RAD51AP2: variants seen among roughly 807,000 people sequenced by gnomAD.
The protein encoded by RAD51AP2 is RAD51-associated protein 2.
Under a neutral mutation model 85.5 loss-of-function variants are expected in RAD51AP2, and 67 were observed. That is an observed-to-expected ratio of 0.78 (90% CI 0.64 to 0.96). RAD51AP2 has a LOEUF of 0.96. RAD51AP2 is among the 40% of genes least tolerant of loss of function. The pLI is 0.00. For missense variants in RAD51AP2, 1,307 were observed against 1,332.4 expected, an observed-to-expected ratio of 0.98 and a Z score of 0.30; for synonymous variants, 474 against 446.5, an observed-to-expected ratio of 1.06 and a Z score of -0.78.
rs1662634989 is a variant in RAD51AP2 at position 17,515,639 on chromosome 2, T to C, written c.2777A>G (p.Tyr926Cys). Residue 926 changes from tyrosine (Y) to cysteine (C), a missense_variant, in exon 1 of 3, where the codon TAT becomes TGT. Coordinates refer to ENST00000399080, the MANE Select transcript of RAD51AP2 (RefSeq NM_001099218.3). The stretch of plus-strand genomic sequence containing the variant: ...ACCAGTTTCAAATTGATGATTAATA[T>C]ATAATGCAGAGTCATTCTTTCTGTG... ...DFHRKNDSAL[Y>C]INHQFETGLS... 1 of 1,612,602 alleles carries C rather than the reference T, an allele frequency of 6.2e-7. No homozygotes were observed. Among genetic ancestry groups the C allele is most frequent in the South Asian group, 1.1e-5 (1 of 90,524 alleles).
At chr2:17,511,151 C>T (rs1308971880) in intron 2 of RAD51AP2, among the ~76,000 whole-genome samples, 196 bp from the exon 3 acceptor site, 1 of 152,224 alleles carries the variant, frequency 6.6e-6, no homozygotes, top group African/African-American at 2.4e-5. Flanking sequence ...AACATAAGCA[C>T]AAAAAGTTAA....
the RAD51AP2 span, among the ~76,000 whole-genome samples, chr2:17,527,485 G>A: frequency 9.9e-5 from 15 of 152,176 alleles, no homozygotes; most frequent in African/African-American, 3.6e-4. Flanking sequence ...TGAACCAGAA[G>A]CAAGAGAATA....
the RAD51AP2 span, among the ~76,000 whole-genome samples, chr2:17,530,165 C>T: frequency 0.011 from 1,663 of 152,182 alleles, 17 homozygotes; most frequent in Middle Eastern, 0.017. Context: ...GGCACCTTTC[C>T]GCTTATTCAT....
Position 17,518,419 on chromosome 2 carries a change from A to G in RAD51AP2, c.-4T>C. The G allele has an allele frequency of 6.2e-7, 1 of 1,608,960 alleles. No individual in the cohort carries two copies. The highest frequency in any genetic ancestry group is 1.1e-5 in the South Asian group (1 of 90,542). ...GCGTGGGCTGAGGGAGAGACATGAC[A>G]GCGAATGGAAAGGATCTGTCCGAGT... On this transcript the variant is annotated 5_prime_UTR_variant, in exon 1 of 3. Coordinates refer to ENST00000399080, the MANE Select transcript of RAD51AP2 (RefSeq NM_001099218.3).
At position 17,515,339 on chromosome 2, in the gene RAD51AP2, C is replaced by T. The variant is rs760916506; in HGVS notation, c.3077G>A (p.Arg1026His). Residue 1026 changes from arginine to histidine, a missense_variant, in exon 1 of 3, where the codon CGT (arginine) becomes CAT (histidine). Transcript: ENST00000399080. ...DLKMVVVNKI[R>H]ASSSFHDTIA... ...AGTATCATGGAACGAGGAAGATGCACGTATTTTGTTGACCACAACCATTTT... is the reference window on the plus strand; with the variant it reads ...AGTATCATGGAACGAGGAAGATGCATGTATTTTGTTGACCACAACCATTTT... 66 of 1,612,094 alleles carry T rather than the reference C, an allele frequency of 4.1e-5. No individual in the cohort carries two copies. The highest frequency in any genetic ancestry group is 3.3e-4 in the Middle Eastern group (2 of 6,076).
rs371622420 is a variant in RAD51AP2, at chr2:17,518,158, T to C, written c.258A>G (p.Thr86=). The C allele has an allele frequency of 5.0e-6, 8 of 1,614,106 alleles. No homozygotes were observed. Among genetic ancestry groups the C allele is most frequent in the Non-Finnish European group, 6.8e-6 (8 of 1,180,046 alleles). ...VSTNAIFDNS[T]DSCVEKSVSG... ...TGACTGATTTCTCCACACACGAGTC[T>C]GTGGAGTTATCGAAAATAGCATTCG... Residue 86 remains threonine (T), a synonymous_variant, in exon 1 of 3, where the codon ACA becomes ACG. Coordinates refer to ENST00000399080, the MANE Select transcript of RAD51AP2 (RefSeq NM_001099218.3).
At chr2:17,530,646 C>G in the RAD51AP2 span, among the ~76,000 whole-genome samples, 1 of 145,462 alleles carries the variant, frequency 6.9e-6, no homozygotes, top group Non-Finnish European at 1.5e-5. Context: ...ATTCTTTCCT[C>G]TAGACCAAAG....
the RAD51AP2 span, among the ~76,000 whole-genome samples, chr2:17,526,170 T>C: frequency 6.6e-6 from 1 of 152,030 alleles, no homozygotes; most frequent in Non-Finnish European, 1.5e-5. Flanking sequence ...TTGTATTTTT[T>C]TTAAAAAGTA....
At position 17,515,555 on chromosome 2, in the gene RAD51AP2, T is replaced by C; in HGVS notation, c.2861A>G (p.Glu954Gly). The C allele has an allele frequency of 6.2e-7, 1 of 1,608,888 alleles. No homozygotes were observed. The highest frequency in any genetic ancestry group is 8.5e-7 in the Non-Finnish European group (1 of 1,178,606). The change falls in exon 1 of 3, where the codon GAA becomes GGA. Residue 954 changes from glutamate (E) to glycine (G), a missense_variant. Glu to Gly is a moderately conservative substitution (Grantham distance 98, BLOSUM62 -2). Around this residue, in one of 3 missense-constraint regions of RAD51AP2, gnomAD observed 668 missense variants for 671.0 expected, o/e 1.00. Coordinates refer to ENST00000399080, the MANE Select transcript of RAD51AP2 (RefSeq NM_001099218.3). ...QDLAAKYLST[E>G]ALTIVKDFEM... Reference sequence around the variant, plus strand: ...AAAATCTTTTACTATTGTCAGAGCTTCTGTTGATAAATATTTAGCAGCTAA... The same window carrying C: ...AAAATCTTTTACTATTGTCAGAGCTCCTGTTGATAAATATTTAGCAGCTAA...
chr2:17,533,110 A>T, the RAD51AP2 span, among the ~76,000 whole-genome samples: 3 of 152,108 alleles, frequency 2.0e-5, no homozygotes, highest in Admixed American at 6.6e-5. Context: ...TCTTCTCTTT[A>T]TACTCCTCCT....
chr2:17,514,231 G>A (rs1279193822), intron 1 of RAD51AP2, 139 bp from the exon 2 acceptor site: 1 of 737,922 alleles, frequency 1.4e-6, no homozygotes, highest in African/African-American at 1.8e-5. Context: ...ACTCTTCAAA[G>A]CTCCTTTTTA....
chr2:17,525,122 G>C, the RAD51AP2 span, among the ~76,000 whole-genome samples: 1 of 152,030 alleles, frequency 6.6e-6, no homozygotes, highest in East Asian at 1.9e-4. Context: ...TGGCCAATCA[G>C]GGTGAAAAGC....
the RAD51AP2 span, among the ~76,000 whole-genome samples, chr2:17,533,651 T>C: frequency 6.6e-6 from 1 of 152,244 alleles, no homozygotes; most frequent in Non-Finnish European, 1.5e-5. Flanking sequence ...TAAAATCATA[T>C]ATGTGTAATC....
intron 1 of RAD51AP2, among the ~76,000 whole-genome samples, chr2:17,514,567 G>A (rs567025787): frequency 1.2e-4 from 18 of 152,048 alleles, no homozygotes; most frequent in South Asian, 4.2e-4. Context: ...TCAGGAGTTC[G>A]AGACCAGCCA....
At chr2:17,523,205 T>C (rs1662895091), upstream of RAD51AP2, among the ~76,000 whole-genome samples, 1 of 151,898 alleles carries the variant, frequency 6.6e-6, no homozygotes, top group African/African-American at 2.4e-5. Context: ...CCAGTCAATG[T>C]CCATTTAAAA....
the RAD51AP2 span, among the ~76,000 whole-genome samples, chr2:17,527,792 G>A: frequency 1.7e-4 from 26 of 152,242 alleles, no homozygotes; most frequent in Middle Eastern, 3.4e-3. Context: ...ATATTGTATT[G>A]AAGAAAGTGC....
At chr2:17,514,228 A>C (rs1218213742) in intron 1 of RAD51AP2, 136 bp from the exon 2 acceptor site, 11 of 738,820 alleles carry the variant, frequency 1.5e-5, no homozygotes, top group Admixed American at 2.4e-5. Context: ...AGGACTCTTC[A>C]AAGCTCCTTT....
At chr2:17,537,544 A>C in the RAD51AP2 span, among the ~76,000 whole-genome samples, 3 of 152,110 alleles carry the variant, frequency 2.0e-5, no homozygotes, top group South Asian at 6.2e-4. Context: ...CCAATTTTTA[A>C]AAAATATCCC....
Position 17,517,897 on chromosome 2 carries a change from C to T in RAD51AP2, c.519G>A (p.Glu173=), listed in dbSNP as rs756117376. The change falls in exon 1 of 3, where the codon GAG becomes GAA. Residue 173 remains glutamate, a synonymous_variant. Coordinates refer to ENST00000399080, the MANE Select transcript of RAD51AP2 (RefSeq NM_001099218.3). ...CTTGGACAAACTGTTGTTTTCGATT[C>T]TCATTTCTAATTCCATGTATATCGT... ...SIHDIHGIRN[E]NRKQQFVQGR... is the part of the protein sequence containing the mutation. 6.2e-7 allele frequency: 1 copy of T among 1,614,086 alleles called. No individual in the cohort carries two copies. Among genetic ancestry groups the T allele is most frequent in the Non-Finnish European group, 8.5e-7 (1 of 1,180,020 alleles).
Sources: allele counts gnomAD v4.1 joint callset (sites outside exome capture counted in the v4.1 genomes callset), GRCh38; gene constraint gnomAD v4.1.1; regional missense constraint gnomAD v4.1.1; transcripts MANE v1.5; gene names NCBI Gene and HGNC (gene_info 2026-07-23, HGNC 2026-07-21).